The following ADAMTSL1 variants were observed in gnomAD, a reference collection of about 807,000 sequenced individuals.
ADAMTSL1 encodes ADAMTS-like protein 1.
ADAMTSL1 carries 126 observed loss-of-function variants against 201.8 expected under a neutral mutation model. The ratio of observed to expected loss-of-function variants is 0.62; its 90% CI spans 0.54 to 0.72. ADAMTSL1 has a LOEUF of 0.72. ADAMTSL1 is among the 30% of genes least tolerant of loss of function. ADAMTSL1 has a pLI of 0.00. For missense variants in ADAMTSL1, 2,679 were observed against 2,277.8 expected, an observed-to-expected ratio of 1.18 and a Z score of -3.59; for synonymous variants, 1,121 against 903.4, an observed-to-expected ratio of 1.24 and a Z score of -4.32.
intron 1 of ADAMTSL1, among the ~76,000 whole-genome samples, chr9:18,130,259 T>C (rs1218727919): frequency 6.6e-6 from 1 of 152,266 alleles, no homozygotes; most frequent in East Asian, 1.9e-4. Context: ...GCACCATACC[T>C]ATCAAGCAGC....
intron 1 of ADAMTSL1, among the ~76,000 whole-genome samples, chr9:18,062,021 G>A (rs888168810): frequency 5.9e-5 from 9 of 152,136 alleles, no homozygotes; most frequent in Non-Finnish European, 1.2e-4. Context: ...TGAATTGAGG[G>A]CCAGCTACAA....
chr9:18,759,739 G>C (rs1461940560), intron 16 of ADAMTSL1, among the ~76,000 whole-genome samples: 1 of 152,178 alleles, frequency 6.6e-6, no homozygotes, highest in Non-Finnish European at 1.5e-5. Context: ...TGGATGTGCA[G>C]CTGCTTGCTT....
chr9:18,594,265 C>G (rs912215081), intron 4 of ADAMTSL1, among the ~76,000 whole-genome samples: 1 of 151,904 alleles, frequency 6.6e-6, no homozygotes, highest in East Asian at 1.9e-4. Context: ...TTATTTACTT[C>G]TTTTCTCTTT....
At chr9:18,650,110 C>G (rs1047441400) in intron 7 of ADAMTSL1, among the ~76,000 whole-genome samples, 1 of 152,214 alleles carries the variant, frequency 6.6e-6, no homozygotes, top group Non-Finnish European at 1.5e-5. Context: ...TGCCCATCCC[C>G]AAGCCTCGCT....
At chr9:18,304,530 A>G (rs1303263873) in intron 2 of ADAMTSL1, among the ~76,000 whole-genome samples, 1 of 152,128 alleles carries the variant, frequency 6.6e-6, no homozygotes, top group Non-Finnish European at 1.5e-5. Flanking sequence ...ATTTTCTCAA[A>G]AACTCACACT....
intron 1 of ADAMTSL1, among the ~76,000 whole-genome samples, chr9:18,028,829 T>C (rs1370766241): frequency 6.6e-6 from 1 of 152,218 alleles, no homozygotes; most frequent in Non-Finnish European, 1.5e-5. Context: ...GGGATGGCAC[T>C]GAATCTATAA....
At chr9:18,905,988 A>G (rs1830287993) in intron 27 of ADAMTSL1, 97 bp downstream of exon 27, 2 of 1,116,570 alleles carry the variant, frequency 1.8e-6, no homozygotes, top group East Asian at 5.2e-5. Flanking sequence ...AACTTACCAC[A>G]GTCCCAAGCC....
At chr9:17,956,963 T>C (rs1263092398) in intron 1 of ADAMTSL1, among the ~76,000 whole-genome samples, 1 of 152,098 alleles carries the variant, frequency 6.6e-6, no homozygotes, top group Non-Finnish European at 1.5e-5. Flanking sequence ...TCATCCTACT[T>C]TGGTGCCTGT....
At chr9:18,040,740 T>C (rs1264504919) in intron 1 of ADAMTSL1, among the ~76,000 whole-genome samples, 1 of 152,178 alleles carries the variant, frequency 6.6e-6, no homozygotes. Flanking sequence ...TTGGTTTATC[T>C]TTCTTTCTGG....
At chr9:18,898,037 A>AGTT (rs1031525537) in intron 26 of ADAMTSL1, among the ~76,000 whole-genome samples, 2 of 151,088 alleles carry the variant, frequency 1.3e-5, no homozygotes, top group Non-Finnish European at 3.0e-5. Context: ...AAAAAAAAAA[A>AGTT]AGTTAGCCAG....
At chr9:18,462,057 G>C (rs894931218) in intron 2 of ADAMTSL1, among the ~76,000 whole-genome samples, 5 of 152,010 alleles carry the variant, frequency 3.3e-5, no homozygotes, top group African/African-American at 1.2e-4. Context: ...TGTATAAGTG[G>C]ATCTGTACAG....
intron 2 of ADAMTSL1, among the ~76,000 whole-genome samples, chr9:18,293,709 G>A (rs867565174): frequency 6.6e-5 from 10 of 152,242 alleles, no homozygotes; most frequent in African/African-American, 2.4e-4. Context: ...TGTGGGCTCC[G>A]TCCCATATAG....
At chr9:18,767,701 G>A (rs1388412381) in intron 16 of ADAMTSL1, among the ~76,000 whole-genome samples, 2 of 152,194 alleles carry the variant, frequency 1.3e-5, no homozygotes, top group Admixed American at 6.5e-5. Flanking sequence ...ATTCTAGGCA[G>A]TGCGGGTACA....
chr9:18,168,467 A>G (rs1414129062), intron 2 of ADAMTSL1, among the ~76,000 whole-genome samples: 1 of 151,894 alleles, frequency 6.6e-6, no homozygotes, highest in Non-Finnish European at 1.5e-5. Context: ...ATCATTTTTT[A>G]TGGCTGCATA....
At chr9:18,730,627 G>A (rs546367689) in intron 15 of ADAMTSL1, among the ~76,000 whole-genome samples, 3 of 152,286 alleles carry the variant, frequency 2.0e-5, no homozygotes, top group South Asian at 4.1e-4. Context: ...GTGCACTTAG[G>A]TGTTTATGTC....
chr9:18,133,360 C>T (rs903321828), intron 1 of ADAMTSL1, among the ~76,000 whole-genome samples: 2 of 152,140 alleles, frequency 1.3e-5, no homozygotes, highest in African/African-American at 4.8e-5. Context: ...ACAGTGATCC[C>T]TCTGTATCTC....
At chr9:18,131,392 GA>G (rs1482515888) in intron 1 of ADAMTSL1, among the ~76,000 whole-genome samples, 1 of 152,148 alleles carries the variant, frequency 6.6e-6, no homozygotes, top group East Asian at 1.9e-4. Flanking sequence ...CAGCATTACT[GA>G]AGTCAAGGTT....
At position 18,371,895 on chromosome 9, in the gene ADAMTSL1, T is replaced by C. The variant is rs189627534; in HGVS notation, c.208-132934T>C. Among the ~76,000 whole-genome samples the C allele has an allele frequency of 3.3e-5, 5 of 152,316 alleles. No homozygotes were observed. The South Asian group carries it at 6.2e-4, about 19-fold the overall frequency. On this transcript the variant is annotated intron_variant, in intron 2 of 29. Transcript: ENST00000680146. ...ACAAGGGCTCTGGGCTCAGCTCTGATGTTAGATCTCTGAACGTGCTTTCTC... is the reference window on the plus strand; with the variant it reads ...ACAAGGGCTCTGGGCTCAGCTCTGACGTTAGATCTCTGAACGTGCTTTCTC...
intron 2 of ADAMTSL1, among the ~76,000 whole-genome samples, chr9:18,271,064 T>C (rs1832341598): frequency 6.6e-6 from 1 of 152,126 alleles, no homozygotes; most frequent in South Asian, 2.1e-4. Flanking sequence ...GAAATGCATG[T>C]TTATTGTTGT....
Sources: gnomAD v4.1 joint callset for allele counts (sites outside exome capture counted in the v4.1 genomes callset) on GRCh38, gnomAD v4.1.1 for gene constraint, MANE v1.5 for transcripts, NCBI Gene and HGNC (gene_info 2026-07-23, HGNC 2026-07-21) for gene names.